Variants in ZDHHC11 observed in about 807,000 individuals in gnomAD.
The protein encoded by ZDHHC11 is palmitoyltransferase ZDHHC11.
A neutral mutation model predicts 51.3 loss-of-function variants in ZDHHC11; 44 were observed. That is an observed-to-expected ratio of 0.86 (90% confidence interval 0.67 to 1.10). The LOEUF (loss-of-function observed/expected upper bound fraction) is 1.10. Among genes scored for constraint, ZDHHC11 ranks in the 50% least tolerant of loss-of-function variants. The probability of loss-of-function intolerance (pLI) is 0.00; values close to 1 mark genes in which losing one functional copy is unlikely to be tolerated. For missense variants in ZDHHC11, 400 were observed against 537.7 expected (o/e 0.74, Z 2.53); for synonymous variants, 163 against 222.0 (o/e 0.73, Z 2.36).
chr5:825,108 A>C (rs1742143954), intron 8 of ZDHHC11, 56 bp downstream of exon 8: 1 of 1,548,608 alleles, frequency 6.5e-7, no homozygotes, highest in Admixed American at 1.7e-5. Flanking sequence ...ACCCGAGACC[A>C]CATATTCTGC....
chr5:860,024 C>T (rs1327738100), upstream of ZDHHC11, among the ~76,000 whole-genome samples: 1 of 152,212 alleles, frequency 6.6e-6, no homozygotes, highest in Non-Finnish European at 1.5e-5. This position sits in a 1 kb window ranked among gnomAD's most constrained non-coding sequence, Gnocchi z 4.2. Flanking sequence ...CTCTTGCCGG[C>T]TGAAGCCTGC....
chr5:837,237 A>C, intron 6 of ZDHHC11, 128 bp downstream of exon 6: 1 of 1,044,276 alleles, frequency 9.6e-7, no homozygotes, highest in Non-Finnish European at 1.5e-6. Context: ...ACACAGACAC[A>C]CACACAGCAG....
chr5:824,331 T>C (rs1278009593), intron 8 of ZDHHC11, among the ~76,000 whole-genome samples: 1 of 151,378 alleles, frequency 6.6e-6, no homozygotes, highest in African/African-American at 2.4e-5. Context: ...CGTGGTGGCA[T>C]ACGCTTGTAC....
chr5:839,112 G>A (rs1293164509), intron 5 of ZDHHC11, among the ~76,000 whole-genome samples: 24 of 119,872 alleles, frequency 2.0e-4, no homozygotes, highest in African/African-American at 7.9e-4. Flanking sequence ...TCTGGGTGGA[G>A]TGAAACTCCA....
At chr5:846,509 G>A (rs1457500426) in intron 3 of ZDHHC11, among the ~76,000 whole-genome samples, 12 of 139,980 alleles carry the variant, frequency 8.6e-5, no homozygotes, top group South Asian at 2.3e-4. Flanking sequence ...ACAACCTCTC[G>A]TTCTTGAGCC....
At chr5:852,444 G>C (rs1477795581), upstream of ZDHHC11, among the ~76,000 whole-genome samples, 1 of 152,252 alleles carries the variant, frequency 6.6e-6, no homozygotes, top group Admixed American at 6.5e-5. Context: ...AGGATGATTG[G>C]AAAAAGTAAT....
intron 2 of ZDHHC11, 178 bp from the exon 3 acceptor site, chr5:847,793 G>A (rs1746492016): frequency 1.8e-6 from 1 of 567,448 alleles, no homozygotes; most frequent in Non-Finnish European, 3.1e-6. Context: ...GTGGGGAGGA[G>A]GAGAAGCAGG....
chr5:806,619 T>A lies in ZDHHC11; in HGVS notation c.1182-5455A>T, dbSNP rs537911394. The stretch of plus-strand genomic sequence containing the variant: ...AAGCTGCACATGGACAGACTCTATC[T>A]GTAATTCACCCAACTGACAAAAGGT... On this transcript the variant is annotated intron_variant, in intron 11 of 12. Coordinates refer to ENST00000283441, the MANE Select transcript of ZDHHC11 (RefSeq NM_024786.3). 7.9e-4 allele frequency among the ~76,000 whole-genome samples: 119 copies of A among 151,444 alleles called. 4 individuals are homozygous for A. The highest frequency in any genetic ancestry group is 2.7e-3 in the African/African-American group (113 of 41,288).
chr5:844,343 G>A (rs1431779371), intron 3 of ZDHHC11, among the ~76,000 whole-genome samples: 18 of 152,296 alleles, frequency 1.2e-4, no homozygotes, highest in African/African-American at 3.6e-4. Flanking sequence ...GTTGTGAGGA[G>A]GGGGAACCAG....
At chr5:853,220 GC>G (rs1747562273), upstream of ZDHHC11, among the ~76,000 whole-genome samples, 1 of 134,160 alleles carries the variant, frequency 7.5e-6, no homozygotes, top group Non-Finnish European at 1.6e-5. Flanking sequence ...AGGACAGCGA[GC>G]CGGGGGGCAC....
chr5:834,358 TTTTA>T (rs1445649328), intron 6 of ZDHHC11, among the ~76,000 whole-genome samples: 4 of 152,264 alleles, frequency 2.6e-5, no homozygotes, highest in Non-Finnish European at 5.9e-5. Context: ...ATGTATGTAT[TTTTA>T]TTTATTTTTG....
upstream of ZDHHC11, among the ~76,000 whole-genome samples, chr5:855,060 GA>G (rs142659961): frequency 0.033 from 4,356 of 130,476 alleles, 206 homozygotes; most frequent in African/African-American, 0.12. Flanking sequence ...AAGCCAGGGG[GA>G]CAGACCCCAC....
upstream of ZDHHC11, among the ~76,000 whole-genome samples, chr5:853,222 CG>C (rs1230389297): frequency 1.5e-5 from 2 of 133,262 alleles, no homozygotes; most frequent in African/African-American, 5.8e-5. Flanking sequence ...GACAGCGAGC[CG>C]GGGGGCACGG....
intron 11 of ZDHHC11, among the ~76,000 whole-genome samples, chr5:814,354 G>A (rs1427286201): frequency 2.0e-5 from 3 of 151,288 alleles, no homozygotes; most frequent in Non-Finnish European, 3.0e-5. Context: ...AAAAAGTGGT[G>A]TGCAGTTGGG....
intron 7 of ZDHHC11, among the ~76,000 whole-genome samples, chr5:827,171 C>T (rs1169118782): frequency 6.7e-6 from 1 of 149,772 alleles, no homozygotes; most frequent in African/African-American, 2.4e-5. Flanking sequence ...TTCAGAACAA[C>T]AAATGCTGAG....
chr5:819,444 A>C, intron 10 of ZDHHC11, 81 bp downstream of exon 10: 7 of 1,468,032 alleles, frequency 4.8e-6, no homozygotes, highest in Non-Finnish European at 6.7e-6. Flanking sequence ...ATACTACCTT[A>C]ACCTCAGCTT....
intron 10 of ZDHHC11, among the ~76,000 whole-genome samples, chr5:818,441 C>A (rs1741119463): frequency 6.6e-6 from 1 of 151,690 alleles, no homozygotes; most frequent in Non-Finnish European, 1.5e-5. Flanking sequence ...TTTTCATTTC[C>A]AAGTCTCAAG....
Position 850,419 on chromosome 5 carries a change from G to C in ZDHHC11, c.184C>G (p.Pro62Ala). The C allele has an allele frequency of 2.5e-6, 4 of 1,613,666 alleles. No individual in the cohort carries two copies. The highest frequency in any genetic ancestry group is 8.5e-7 in the Non-Finnish European group (1 of 1,180,020). Residue 62 changes from proline (P) to alanine (A), a missense_variant, in exon 1 of 13, where the codon CCC (proline) becomes GCC (alanine). By Grantham distance (27) the Pro-to-Ala change is conservative. Transcript: ENST00000283441. ...TATTTCCACGCGTGAGGCAGGAAGG[G>C]AATGAAGATCCCGAAGGTGGCCGAG... ...LSSATFGIFI[P>A]FLPHAWKYIA...
intron 4 of ZDHHC11, among the ~76,000 whole-genome samples, chr5:843,118 C>T (rs78275256): frequency 0.024 from 3,523 of 149,238 alleles, 95 homozygotes; most frequent in Non-Finnish European, 0.035. Flanking sequence ...GTGTGAGCAT[C>T]GGTTCCCGAG....
Sources: gnomAD v4.1 joint callset for allele counts (sites outside exome capture counted in the v4.1 genomes callset) on GRCh38, gnomAD v4.1.1 for gene constraint, Gnocchi (gnomAD v3.1) non-coding constraint, MANE v1.5 for transcripts, NCBI Gene and HGNC (gene_info 2026-07-23, HGNC 2026-07-21) for gene names.